Variants in IFI35 observed in about 807,000 individuals in gnomAD.
The protein encoded by IFI35 is interferon-induced 35 kDa protein.
Under a neutral mutation model 28.6 loss-of-function variants are expected in IFI35, and 30 were observed. That is an observed-to-expected ratio of 1.05 (90% CI 0.79 to 1.43). IFI35 has a LOEUF of 1.43. Among genes scored for constraint, IFI35 ranks in the 40% most tolerant of loss-of-function variants. The pLI is 0.00. For missense variants in IFI35, 372 were observed against 356.9 expected, an observed-to-expected ratio of 1.04 and a Z score of -0.34; for synonymous variants, 146 against 154.8, an observed-to-expected ratio of 0.94 and a Z score of 0.42.
At chr17:43,008,953 C>A (rs1170636953) in intron 1 of IFI35, among the ~76,000 whole-genome samples, 3 of 151,962 alleles carry the variant, frequency 2.0e-5, no homozygotes, top group African/African-American at 7.3e-5. Flanking sequence ...CAGCACCCGG[C>A]TTTATATACG....
chr17:43,007,723 G>A (rs2050420113), intron 1 of IFI35, among the ~76,000 whole-genome samples: 1 of 150,146 alleles, frequency 6.7e-6, no homozygotes, highest in South Asian at 2.1e-4. Flanking sequence ...CTACTAGGGA[G>A]ACTGAGGCGG....
At chr17:43,011,933 G>T in intron 1 of IFI35, 1 of 298,518 alleles carries the variant, frequency 3.3e-6, no homozygotes, top group Non-Finnish European at 6.3e-6. Context: ...CTAGATCTGT[G>T]GTCACGAACA....
chr17:43,010,171 C>G (rs920273394), intron 1 of IFI35, among the ~76,000 whole-genome samples: 3 of 150,098 alleles, frequency 2.0e-5, no homozygotes, highest in South Asian at 2.1e-4. Context: ...GGAGGCGAAG[C>G]TTGCAGTGAG....
Position 43,013,664 on chromosome 17 carries a change from T to C in IFI35, c.562+2T>C. 3 of 1,613,650 alleles carry C rather than the reference T, an allele frequency of 1.9e-6. No homozygotes were observed. Among genetic ancestry groups the C allele is most frequent in the Non-Finnish European group, 2.5e-6 (3 of 1,179,764 alleles). ...TGCTGGGGTTTGCTAGGGATGGAGGTGAGGGCTATGCAGGCCTCCTGCAGG... is the reference window on the plus strand; with the variant it reads ...TGCTGGGGTTTGCTAGGGATGGAGGCGAGGGCTATGCAGGCCTCCTGCAGG... On this transcript the variant is annotated splice_donor_variant, in intron 5 of 6. Transcript: ENST00000415816. LOFTEE classifies it high-confidence loss of function.
rs1362988298 is a variant in IFI35, at chr17:43,012,976, G to C, written c.121-71G>C. 2.7e-6 allele frequency: 4 copies of C among 1,466,194 alleles called. No homozygotes were observed. The African/African-American group carries it at 5.6e-5, about 21-fold the overall frequency. 90.8% of individuals were successfully genotyped at this position (1,466,194 alleles called of 1,614,324 possible). On this transcript the variant is annotated intron_variant, in intron 2 of 6. Transcript: ENST00000415816. The stretch of plus-strand genomic sequence containing the variant: ...TTATCTCCGGCACTCAGCATCAATG[G>C]AATGGAATCGGAGATGCCTTCCTCC...
At chr17:43,013,224 G>T (rs748086140) in intron 3 of IFI35, 30 bp downstream of exon 3, 1 of 1,614,130 alleles carries the variant, frequency 6.2e-7, no homozygotes. Context: ...CAGGAGGGAG[G>T]TGGGGAGGGT....
intron 1 of IFI35, among the ~76,000 whole-genome samples, chr17:43,007,824 TCA>T (rs1399266254): frequency 9.4e-5 from 11 of 117,642 alleles, no homozygotes; most frequent in Admixed American, 2.0e-4. Context: ...AGACTGTCTC[TCA>T]CACACACACA....
intron 1 of IFI35, 41 bp downstream of exon 1, chr17:43,007,009 GTA>G: frequency 6.2e-7 from 1 of 1,608,628 alleles, no homozygotes; most frequent in South Asian, 1.1e-5. Context: ...GGAAACAGGA[GTA>G]ATCCTCTTGG....
In IFI35 at chr17:43,014,250, T is replaced by C. The variant is rs2050500224; in HGVS notation, c.812T>C (p.Val271Ala). Residue 271 changes from valine (V) to alanine (A), a missense_variant, in exon 7 of 7, where the codon GTA (valine) becomes GCA (alanine). Val to Ala is a moderately conservative substitution (Grantham distance 64). Coordinates refer to ENST00000415816, the MANE Select transcript of IFI35 (RefSeq NM_001330230.2). ...GGGGAGGTAGAGGCCCTGACAGTCG[T>C]ACCCCAAGGACAGCAGGGCCTAGCA... ...GGGEVEALTV[V>A]PQGQQGLAVF... The C allele has an allele frequency of 6.2e-7, 1 of 1,607,248 alleles. No individual in the cohort carries two copies.
chr17:43,009,034 T>C lies in IFI35; in HGVS notation c.21+2066T>C, dbSNP rs183863962. Among the ~76,000 whole-genome samples the C allele has an allele frequency of 6.3e-4, 96 of 152,038 alleles. No homozygotes were observed. In the Middle Eastern group the frequency reaches 0.01, roughly 16 times the overall value. ...TTTTGGAGACAAGATCTCACTGTTT[T>C]TTCCAGGCTGCAGTGCAGTGGCTGG... On this transcript the variant is annotated intron_variant, in intron 1 of 6. Coordinates refer to ENST00000415816, the MANE Select transcript of IFI35 (RefSeq NM_001330230.2).
At chr17:43,011,000 C>T (rs1039068918) in intron 1 of IFI35, among the ~76,000 whole-genome samples, 3 of 152,122 alleles carry the variant, frequency 2.0e-5, no homozygotes, top group African/African-American at 7.2e-5. Flanking sequence ...CTCTCTGGAC[C>T]CATTCCAGAT....
At chr17:43,007,198 GGAGA>G (rs1436629910) in intron 1 of IFI35, among the ~76,000 whole-genome samples, 2 of 152,172 alleles carry the variant, frequency 1.3e-5, no homozygotes, top group Non-Finnish European at 2.9e-5. Context: ...ACACTTCTCT[GGAGA>G]GAGAATCTGT....
intron 1 of IFI35, among the ~76,000 whole-genome samples, chr17:43,007,762 G>A (rs2050420573): frequency 6.7e-6 from 1 of 148,958 alleles, no homozygotes; most frequent in Non-Finnish European, 1.5e-5. Flanking sequence ...GGAGGCAGAG[G>A]TTGCAGTGAG....
intron 1 of IFI35, among the ~76,000 whole-genome samples, chr17:43,011,675 C>A (rs189345717): frequency 1.3e-5 from 2 of 152,090 alleles, no homozygotes; most frequent in Non-Finnish European, 2.9e-5. Context: ...ACTTAGTAAA[C>A]GTTAGTTAAG....
intron 1 of IFI35, 132 bp downstream of exon 1, chr17:43,007,100 G>A: frequency 1.0e-6 from 1 of 980,054 alleles, no homozygotes; most frequent in Non-Finnish European, 1.6e-6. Flanking sequence ...GGGCTGGGGA[G>A]AAACACAGGG....
rs1452757569 is a variant in IFI35, at chr17:43,012,214, CAAGAT to C, written c.58_62del (p.Lys20GlufsTer43). 1.9e-6 allele frequency: 3 copies of C among 1,578,730 alleles called. No homozygotes were observed. The highest frequency in any genetic ancestry group is 2.3e-5 in the South Asian group (2 of 86,004). ...CCCTTCAGGAGGAGCAGGCCAGACT[CAAGAT>C]GAGGCTGTGGGACCTGCAGCAGCTG... is the stretch of plus-strand genomic sequence containing the variant. On this transcript the variant is annotated frameshift_variant, in exon 2 of 7. Coordinates refer to ENST00000415816, the MANE Select transcript of IFI35 (RefSeq NM_001330230.2). LOFTEE classifies it high-confidence loss of function.
chr17:43,013,314 G>A lies in IFI35; in HGVS notation c.316G>A (p.Glu106Lys). Residue 106 changes from glutamate (E) to lysine (K), a missense_variant, in exon 4 of 7, where the codon GAG (glutamate) becomes AAG (lysine). By Grantham distance (56) the Glu-to-Lys change is moderately conservative. Coordinates refer to ENST00000415816, the MANE Select transcript of IFI35 (RefSeq NM_001330230.2). ...QQKEHTINMEECRLRVQVQPL... is the reference protein window; with the variant it reads ...QQKEHTINMEKCRLRVQVQPL... ...AAAGGAGCACACGATCAACATGGAG[G>A]AGTGCCGGCTGCGGGTGCAGGTCCA... 1 of 1,614,152 alleles carries A rather than the reference G, an allele frequency of 6.2e-7. No homozygotes were observed. The highest frequency in any genetic ancestry group is 2.2e-5 in the East Asian group (1 of 44,880).
At chr17:43,008,244 C>T (rs1005660567) in intron 1 of IFI35, among the ~76,000 whole-genome samples, 3 of 150,438 alleles carry the variant, frequency 2.0e-5, no homozygotes, top group Non-Finnish European at 2.9e-5. Flanking sequence ...CCGTGTTAGC[C>T]GGGATGGTCT....
chr17:43,009,371 C>T (rs2050437181), intron 1 of IFI35, among the ~76,000 whole-genome samples: 1 of 152,134 alleles, frequency 6.6e-6, no homozygotes, highest in Non-Finnish European at 1.5e-5. Flanking sequence ...GTAATCCCAG[C>T]ACTTTGTGAG....
Sources: allele counts gnomAD v4.1 joint callset (sites outside exome capture counted in the v4.1 genomes callset), GRCh38; gene constraint gnomAD v4.1.1; transcripts MANE v1.5; gene names NCBI Gene and HGNC (gene_info 2026-07-23, HGNC 2026-07-21).